PTPRT: variants seen among roughly 807,000 people sequenced by gnomAD.
PTPRT encodes the protein receptor-type tyrosine-protein phosphatase T.
A neutral mutation model predicts 176.8 loss-of-function variants in PTPRT; 56 were observed. That is an observed-to-expected ratio of 0.32 (90% CI 0.26 to 0.40). The LOEUF (loss-of-function observed/expected upper bound fraction) is 0.40, where lower values mean the gene tolerates loss of function less well. Ranked by LOEUF, PTPRT falls within the 10% of genes least tolerant of loss-of-function variation. PTPRT has a pLI of 1.00. For synonymous variants in PTPRT, 783 were observed against 739.0 expected (o/e 1.06, Z -0.96); for missense variants, 1,540 against 1,908.2 (o/e 0.81, Z 3.60).
intron 1 of PTPRT, among the ~76,000 whole-genome samples, chr20:42,941,351 C>T (rs1351430122): frequency 6.6e-6 from 1 of 152,138 alleles, no homozygotes; most frequent in African/African-American, 2.4e-5. Context: ...TTGCATAGTA[C>T]CTGGCCCATA....
intron 16 of PTPRT, among the ~76,000 whole-genome samples, chr20:42,165,486 G>T (rs1989786736): frequency 6.6e-6 from 1 of 152,154 alleles, no homozygotes; most frequent in Non-Finnish European, 1.5e-5. Flanking sequence ...TGGCAATCTG[G>T]AAACATTCTC....
chr20:42,142,006 A>T lies in PTPRT; in HGVS notation c.2683-4T>A. ...CTGTCTGCCCCTCTGGTAAGGCCTA[A>T]AAAGCAAGGACAGAGTGGTTAGAGT... On this transcript the variant is annotated splice_region_variant and splice_polypyrimidine_tract_variant and intron_variant, in intron 17 of 30. Coordinates refer to ENST00000373187, the MANE Select transcript of PTPRT (RefSeq NM_007050.6). 6.2e-7 allele frequency: 1 copy of T among 1,613,602 alleles called. No individual in the cohort carries two copies. Among genetic ancestry groups the T allele is most frequent in the Non-Finnish European group, 8.5e-7 (1 of 1,179,548 alleles).
At chr20:42,678,745 G>A (rs1464911143) in intron 6 of PTPRT, among the ~76,000 whole-genome samples, 2 of 152,210 alleles carry the variant, frequency 1.3e-5, no homozygotes, top group Non-Finnish European at 2.9e-5. Context: ...GGCCATGTGA[G>A]GAAATGGTTT....
rs189666833 is a variant in PTPRT, at chr20:42,604,862, T to C, written c.1153+73004A>G. Among the ~76,000 whole-genome samples, 8 of 152,318 alleles carry C rather than the reference T, an allele frequency of 5.3e-5. No individual in the cohort carries two copies. The East Asian group carries it at 1.5e-3, about 29-fold the overall frequency. On this transcript the variant is annotated intron_variant, in intron 7 of 30. Coordinates refer to ENST00000373187, the MANE Select transcript of PTPRT (RefSeq NM_007050.6). ...TGAAACATGATAGGGGCCTGCCCAG[T>C]TGACCCAGGCCCCCCTTGAGGCTTG...
At chr20:43,057,827 C>A (rs1399271698) in intron 1 of PTPRT, among the ~76,000 whole-genome samples, 5 of 152,216 alleles carry the variant, frequency 3.3e-5, no homozygotes, top group African/African-American at 1.2e-4. Flanking sequence ...CTCACAGGAC[C>A]TTTGCCATTA....
At chr20:42,151,126 AT>A (rs11468504) in intron 17 of PTPRT, among the ~76,000 whole-genome samples, 25,956 of 143,576 alleles carry the variant, frequency 0.18, 2,487 homozygotes, top group Non-Finnish European at 0.24. Flanking sequence ...AACATCAAGG[AT>A]TTTTTTTTTT....
intron 13 of PTPRT, among the ~76,000 whole-genome samples, chr20:42,268,497 C>A (rs1265388484): frequency 6.6e-6 from 1 of 152,156 alleles, no homozygotes; most frequent in Non-Finnish European, 1.5e-5. Context: ...TGACGAGAGT[C>A]ACTTTTCTCC....
At chr20:42,745,775 T>C (rs1428959121) in intron 6 of PTPRT, among the ~76,000 whole-genome samples, 1 of 152,134 alleles carries the variant, frequency 6.6e-6, no homozygotes, top group East Asian at 1.9e-4. Flanking sequence ...GGTCAGAAAA[T>C]AGTCTCATTT....
the PTPRT span, among the ~76,000 whole-genome samples, chr20:42,040,397 G>A: frequency 6.6e-6 from 1 of 152,138 alleles, no homozygotes; most frequent in Non-Finnish European, 1.5e-5. Context: ...CTTGTTTAAA[G>A]TTGAACAAAG....
chr20:42,347,504 C>CT (rs1401309664), intron 11 of PTPRT, among the ~76,000 whole-genome samples: 1 of 152,150 alleles, frequency 6.6e-6, no homozygotes, highest in African/African-American at 2.4e-5. Flanking sequence ...CTCAATACCC[C>CT]TGGGTTGCAA....
intron 2 of PTPRT, among the ~76,000 whole-genome samples, chr20:42,842,118 T>C (rs1331259083): frequency 6.6e-6 from 1 of 152,360 alleles, no homozygotes. Context: ...CTTAGAAAGA[T>C]CTTTAGAATC....
At chr20:43,138,409 T>G (rs954905017) in intron 1 of PTPRT, among the ~76,000 whole-genome samples, 1 of 152,188 alleles carries the variant, frequency 6.6e-6, no homozygotes, top group Admixed American at 6.5e-5. Context: ...CCAGTCCTGA[T>G]AGACATGAGC....
At chr20:42,047,283 C>T in the PTPRT span, among the ~76,000 whole-genome samples, 1 of 152,160 alleles carries the variant, frequency 6.6e-6, no homozygotes, top group African/African-American at 2.4e-5. Flanking sequence ...AGCCCCAATC[C>T]TAGCAAATAG....
At chr20:42,106,129 A>AG (rs1299204916) in intron 24 of PTPRT, among the ~76,000 whole-genome samples, 2 of 152,254 alleles carry the variant, frequency 1.3e-5, no homozygotes, top group South Asian at 4.1e-4. Context: ...AGATAATACT[A>AG]GGAGCTACAC....
chr20:42,791,076 G>A (rs1225098236), intron 3 of PTPRT, 119 bp downstream of exon 3: 3 of 1,280,414 alleles, frequency 2.3e-6, no homozygotes, highest in Non-Finnish European at 3.2e-6. Flanking sequence ...AGGAGGAGAA[G>A]CACAGTAAAC....
chr20:42,643,481 T>G (rs2074811488), intron 7 of PTPRT, among the ~76,000 whole-genome samples: 1 of 151,632 alleles, frequency 6.6e-6, no homozygotes, highest in Admixed American at 6.6e-5. Context: ...GCCTCCACAC[T>G]CAGCTATTTT....
At chr20:42,834,810 T>C (rs2078153346) in intron 2 of PTPRT, among the ~76,000 whole-genome samples, 1 of 152,086 alleles carries the variant, frequency 6.6e-6, no homozygotes, top group Non-Finnish European at 1.5e-5. Flanking sequence ...TAAAACTATA[T>C]ATGTGTACCA....
intron 7 of PTPRT, among the ~76,000 whole-genome samples, chr20:42,635,949 CTAAT>C (rs1250705644): frequency 1.3e-5 from 2 of 152,068 alleles, no homozygotes; most frequent in Non-Finnish European, 2.9e-5. Context: ...CTCATAAGAA[CTAAT>C]TATTAACTAC....
At chr20:43,016,552 CTTTTT>C (rs11482189) in intron 1 of PTPRT, among the ~76,000 whole-genome samples, 22 of 76,234 alleles carry the variant, frequency 2.9e-4, no homozygotes, top group African/African-American at 1.4e-3. Context: ...TCTAAGGCCA[CTTTTT>C]TTTTTTTTTT....
Sources: gnomAD v4.1 joint callset for allele counts (sites outside exome capture counted in the v4.1 genomes callset) on GRCh38, gnomAD v4.1.1 for gene constraint, MANE v1.5 for transcripts, NCBI Gene and HGNC (gene_info 2026-07-23, HGNC 2026-07-21) for gene names.